ULK1: variants seen among roughly 807,000 people sequenced by gnomAD.
The protein encoded by ULK1 is unc-51 like autophagy activating kinase 1, also known as serine/threonine-protein kinase ULK1.
Under a neutral mutation model 117.5 loss-of-function variants are expected in ULK1, and 48 were observed. That is an observed-to-expected ratio of 0.41 (90% CI 0.32 to 0.52). ULK1 has a LOEUF of 0.52. Ranked by LOEUF, ULK1 falls within the 20% of genes least tolerant of loss-of-function variation. ULK1 has a pLI of 0.29. For synonymous variants in ULK1, 790 were observed against 637.8 expected, an observed-to-expected ratio of 1.24 and a Z score of -3.60; for missense variants, 1,387 against 1,473.4, an observed-to-expected ratio of 0.94 and a Z score of 0.96.
chr12:131,915,292 C>T (rs905376510), intron 17 of ULK1, 43 bp from the exon 18 acceptor site: 4 of 1,610,624 alleles, frequency 2.5e-6, no homozygotes, highest in Non-Finnish European at 3.4e-6. Flanking sequence ...AGGAGGCTGT[C>T]TCTGTCCCAG....
At chr12:131,906,984 A>C in intron 4 of ULK1, 60 bp downstream of exon 4, 1 of 1,604,138 alleles carries the variant, frequency 6.2e-7, no homozygotes, top group Non-Finnish European at 8.5e-7. Context: ...TGGGAGCCCC[A>C]CAGGGAGGGA....
chr12:131,912,975 G>A (rs369329977), intron 13 of ULK1, among the ~76,000 whole-genome samples: 3 of 152,132 alleles, frequency 2.0e-5, no homozygotes, highest in Non-Finnish European at 2.9e-5. Context: ...GGGGATAAGC[G>A]GGGGCAGGTA....
intron 4 of ULK1, among the ~76,000 whole-genome samples, 155 bp downstream of exon 4, chr12:131,907,079 C>T (rs565093672): frequency 2.0e-5 from 3 of 152,198 alleles, no homozygotes; most frequent in South Asian, 2.1e-4. Flanking sequence ...TGCAGTGCTG[C>T]GATCTCAGCT....
intron 3 of ULK1, among the ~76,000 whole-genome samples, chr12:131,905,798 G>A (rs572207987): frequency 9.2e-5 from 14 of 152,290 alleles, no homozygotes; most frequent in Admixed American, 7.2e-4. Flanking sequence ...GAGGGTGTAC[G>A]CATGCTGGCC....
At chr12:131,896,164 C>T (rs540257572) in intron 3 of ULK1, among the ~76,000 whole-genome samples, 2 of 152,232 alleles carry the variant, frequency 1.3e-5, no homozygotes, top group South Asian at 2.1e-4. Context: ...CCTGGCCCAC[C>T]TGTCTAGGCC....
At position 131,921,603 on chromosome 12, in the gene ULK1, GC is replaced by G; in HGVS notation, c.*246del. Reference sequence around the variant, plus strand: ...TACAGGTGGGGATCACAGAATTTCTGCCCCTCCAGCTGCCTGGCTCAGCAGG... The same window carrying G: ...TACAGGTGGGGATCACAGAATTTCTGCCCTCCAGCTGCCTGGCTCAGCAGG... On this transcript the variant is annotated 3_prime_UTR_variant, in exon 28 of 28. Coordinates refer to ENST00000321867, the MANE Select transcript of ULK1 (RefSeq NM_003565.4). 1.5e-6 allele frequency: 1 copy of G among 645,872 alleles called. No individual in the cohort carries two copies. The highest frequency in any genetic ancestry group is 4.2e-4 in the Middle Eastern group (1 of 2,368). 40.0% of individuals were successfully genotyped at this position (645,872 alleles called of 1,614,324 possible).
intron 13 of ULK1, 124 bp from the exon 14 acceptor site, chr12:131,913,074 C>A (rs1889612072): frequency 5.7e-6 from 5 of 874,212 alleles, no homozygotes; most frequent in Non-Finnish European, 1.6e-6. Context: ...CGCAAGGCCG[C>A]TGTACGAGCT....
Position 131,917,301 on chromosome 12 carries a change from GTTGGGGGGAGC to G in ULK1, c.2183-108_2183-98del, listed in dbSNP as rs1319500973. On this transcript the variant is annotated intron_variant, in intron 21 of 27. Transcript: ENST00000321867. The stretch of plus-strand genomic sequence containing the variant: ...TCGGCTCGGAGGCTGTGGGACGGGG[GTTGGGGGGAGC>G]TCGGAGGCCGTGGGATGGGGGTCGG... 1.1e-3 allele frequency: 289 copies of G among 262,420 alleles called. 46 individuals are homozygous for G. The highest frequency in any genetic ancestry group is 3.5e-3 in the Middle Eastern group (2 of 568). 16.3% of individuals were successfully genotyped at this position (262,420 alleles called of 1,614,324 possible). A position where few individuals can be genotyped will look rare whatever the true frequency, so the allele number is the denominator to read the frequency against.
chr12:131,915,475 G>A, intron 18 of ULK1, 54 bp downstream of exon 18: 17 of 1,584,668 alleles, frequency 1.1e-5, no homozygotes, highest in Middle Eastern at 2.0e-4. Context: ...CCTCGCTCAC[G>A]TTGTCATCCT....
Position 131,917,518 on chromosome 12 carries a change from A to G in ULK1, c.2290A>G (p.Thr764Ala). 2.1e-6 allele frequency: 3 copies of G among 1,460,136 alleles called. No individual in the cohort carries two copies. Among genetic ancestry groups the G allele is most frequent in the Non-Finnish European group, 2.7e-6 (3 of 1,103,042 alleles). 90.4% of individuals were successfully genotyped at this position (1,460,136 alleles called of 1,614,324 possible). A position where few individuals can be genotyped will look rare whatever the true frequency, so the allele number is the denominator to read the frequency against. The change falls in exon 22 of 28, where the codon ACG becomes GCG. Residue 764 changes from threonine to alanine, a missense_variant. Transcript: ENST00000321867. Reference protein sequence around the residue: ...FTVGSPPSGSTPPQGPRTRMF... With the variant: ...FTVGSPPSGSAPPQGPRTRMF... ...CGTGGGCTCTCCCCCGAGCGGGAGCACGCCCCCCCAGGGCCCCCGCACCAG... is the reference window on the plus strand; with the variant it reads ...CGTGGGCTCTCCCCCGAGCGGGAGCGCGCCCCCCCAGGGCCCCCGCACCAG...
At chr12:131,909,298 G>A (rs1889416073) in intron 8 of ULK1, 61 bp downstream of exon 8, 5 of 1,490,364 alleles carry the variant, frequency 3.4e-6, no homozygotes, top group Admixed American at 2.3e-5. Context: ...CGCCAGCTGC[G>A]GTCAGACGCC....
rs548351430 is a variant in ULK1 at position 131,903,608 on chromosome 12, G to T, written c.247-3284G>T. ...CTGTCTGAAGCTGTCATCTGTCCCAGGGGAGTTGGGAAGACCCGAATGCCT... is the reference window on the plus strand; with the variant it reads ...CTGTCTGAAGCTGTCATCTGTCCCATGGGAGTTGGGAAGACCCGAATGCCT... On this transcript the variant is annotated intron_variant, in intron 3 of 27. Coordinates refer to ENST00000321867, the MANE Select transcript of ULK1 (RefSeq NM_003565.4). This position sits in a 1 kb window ranked among gnomAD's most constrained non-coding sequence, Gnocchi z 6.0. Among the ~76,000 whole-genome samples the T allele has an allele frequency of 1.2e-3, 182 of 152,284 alleles. No homozygotes were observed. The highest frequency in any genetic ancestry group is 4.2e-3 in the African/African-American group (173 of 41,552).
intron 20 of ULK1, among the ~76,000 whole-genome samples, 162 bp downstream of exon 20, chr12:131,916,753 G>C (rs1314676059): frequency 6.6e-6 from 1 of 152,282 alleles, no homozygotes; most frequent in East Asian, 1.9e-4. Context: ...GCCCACCTGT[G>C]GCTGGCCCTA....
At chr12:131,911,169 G>A (rs553217666) in intron 12 of ULK1, among the ~76,000 whole-genome samples, 1 of 152,216 alleles carries the variant, frequency 6.6e-6, no homozygotes, top group African/African-American at 2.4e-5. Flanking sequence ...GGCCCCACAT[G>A]ATGATGGCAC....
chr12:131,917,443 C>A lies in ULK1; in HGVS notation c.2215C>A (p.Pro739Thr). ...PSAGFGGSLH[P>T]GARAGGTSSP... ...AGCTGGCTTTGGAGGGAGCCTGCAC[C>A]CAGGAGCCCGTGCTGGGGGCACCAG... The change falls in exon 22 of 28, where the codon CCA becomes ACA. Residue 739 changes from proline (P) to threonine (T), a missense_variant. Physicochemically the swap from Pro to Thr is conservative, Grantham distance 38. Around this residue, in one of 4 missense-constraint regions of ULK1, gnomAD observed 900 missense variants for 858.9 expected, o/e 1.05. Coordinates refer to ENST00000321867, the MANE Select transcript of ULK1 (RefSeq NM_003565.4). The A allele has an allele frequency of 6.5e-7, 1 of 1,543,348 alleles. No individual in the cohort carries two copies.
Position 131,917,462 on chromosome 12 carries a change from G to A in ULK1, c.2234G>A (p.Gly745Asp), listed in dbSNP as rs34936984. The A allele has an allele frequency of 3.3e-5, 51 of 1,528,524 alleles. No homozygotes were observed. The highest frequency in any genetic ancestry group is 4.1e-5 in the Non-Finnish European group (47 of 1,138,510). 94.7% of individuals were successfully genotyped at this position (1,528,524 alleles called of 1,614,324 possible). A position where few individuals can be genotyped will look rare whatever the true frequency, so the allele number is the denominator to read the frequency against. Reference sequence around the variant, plus strand: ...CTGCACCCAGGAGCCCGTGCTGGGGGCACCAGCAGCCCTTCCCCGGTGGTC... The same window carrying A: ...CTGCACCCAGGAGCCCGTGCTGGGGACACCAGCAGCCCTTCCCCGGTGGTC... ...GSLHPGARAG[G>D]TSSPSPVVFT... Residue 745 changes from glycine to aspartate, a missense_variant, in exon 22 of 28, where the codon GGC (glycine) becomes GAC (aspartate). By Grantham distance (94) the Gly-to-Asp change is moderately conservative. Around this residue, in one of 4 missense-constraint regions of ULK1, gnomAD observed 900 missense variants for 858.9 expected, o/e 1.05. Transcript: ENST00000321867.
rs1182131267 is a variant in ULK1 at position 131,918,986 on chromosome 12, G to C, written c.2512-226G>C. 2.4e-3 allele frequency among the ~76,000 whole-genome samples: 314 copies of C among 130,410 alleles called. 17 individuals are homozygous for C. In the South Asian group the frequency reaches 0.043, roughly 18 times the overall value. The allele number at this position is 130,410 out of a possible 152,430, so 85.6% of individuals were successfully genotyped here. ...TGGGGTGCAGGGTGTGTGGGGTGTC[G>C]GGTGTGTGGGGTGCAGGGTGTGTGG... On this transcript the variant is annotated intron_variant, in intron 23 of 27. Coordinates refer to ENST00000321867, the MANE Select transcript of ULK1 (RefSeq NM_003565.4).
chr12:131,920,302 C>T, intron 26 of ULK1, 166 bp downstream of exon 26: 1 of 902,438 alleles, frequency 1.1e-6, no homozygotes, highest in Non-Finnish European at 1.6e-6. Context: ...CCTGCAGGCG[C>T]TCGCAGCTCG....
At chr12:131,910,826 C>A (rs749740161) in intron 12 of ULK1, 26 bp downstream of exon 12, 38 of 1,611,160 alleles carry the variant, frequency 2.4e-5, no homozygotes, top group Non-Finnish European at 3.1e-5. Flanking sequence ...AGGGGCTTGG[C>A]AGCTTCTCCC....
Sources: allele counts gnomAD v4.1 joint callset (sites outside exome capture counted in the v4.1 genomes callset), GRCh38; gene constraint gnomAD v4.1.1; regional missense constraint gnomAD v4.1.1; non-coding constraint Gnocchi (gnomAD v3.1); transcripts MANE v1.5; gene names NCBI Gene and HGNC (gene_info 2026-07-23, HGNC 2026-07-21).